Variants in DHX35 observed in about 807,000 individuals in gnomAD.
DHX35 encodes the protein DEAH-box helicase 35, also known as probable ATP-dependent RNA helicase DHX35.
A neutral mutation model predicts 99.6 loss-of-function variants in DHX35; 84 were observed. The ratio of observed to expected loss-of-function variants is 0.84; its 90% CI spans 0.71 to 1.01. The LOEUF is 1.01. Ranked by LOEUF, DHX35 falls within the 50% of genes least tolerant of loss-of-function variation. The probability of loss-of-function intolerance (pLI) is 0.00; values close to 1 mark genes in which losing one functional copy is unlikely to be tolerated. For missense variants in DHX35, 852 were observed against 888.5 expected, an observed-to-expected ratio of 0.96 and a Z score of 0.52; for synonymous variants, 331 against 316.2, an observed-to-expected ratio of 1.05 and a Z score of -0.50.
At chr20:38,978,137 G>A in intron 3 of DHX35, 1 of 790,136 alleles carries the variant, frequency 1.3e-6, no homozygotes, top group South Asian at 1.3e-5. Context: ...ACCACCGGTG[G>A]TATTATTTCA....
rs1408913457 is a variant in DHX35 at position 39,006,211 on chromosome 20, CTG to C, written c.1080_1081del (p.Cys360TrpfsTer15). On this transcript the variant is annotated frameshift_variant, in exon 12 of 22. Coordinates refer to ENST00000252011, the MANE Select transcript of DHX35 (RefSeq NM_021931.4). LOFTEE classifies it high-confidence loss of function. ...TISGIVYVID[C>X]GFVKLRAYNP... is the part of the protein sequence containing the mutation. ...TCAGCGGCATTGTGTATGTGATCGA[CTG>C]TGGCTTTGTGAAACTCCGAGCCTAC... The C allele has an allele frequency of 6.2e-7, 1 of 1,614,060 alleles. No homozygotes were observed. Among genetic ancestry groups the C allele is most frequent in the African/African-American group, 1.3e-5 (1 of 74,920 alleles).
intron 8 of DHX35, among the ~76,000 whole-genome samples, chr20:39,001,275 T>C (rs1183249386): frequency 6.6e-6 from 1 of 152,206 alleles, no homozygotes; most frequent in African/African-American, 2.4e-5. Flanking sequence ...GAAACACACC[T>C]ACTGTTCACA....
At chr20:39,017,263 C>G (rs1262789379) in intron 14 of DHX35, among the ~76,000 whole-genome samples, 1 of 152,024 alleles carries the variant, frequency 6.6e-6, no homozygotes, top group African/African-American at 2.4e-5. Flanking sequence ...TGTGAATAGC[C>G]AATTACTGAT....
intron 7 of DHX35, 102 bp from the exon 8 acceptor site, chr20:38,994,717 GAA>G: frequency 2.5e-6 from 2 of 792,382 alleles, no homozygotes; most frequent in Non-Finnish European, 1.8e-6. Context: ...AGGCAAAAAA[GAA>G]AAAAAAAGAC....
At chr20:39,034,712 A>T (rs923222843) in intron 21 of DHX35, among the ~76,000 whole-genome samples, 1 of 148,334 alleles carries the variant, frequency 6.7e-6, no homozygotes, top group Non-Finnish European at 1.5e-5. Flanking sequence ...CTTAGCCCCC[A>T]TGTAGCTGGG....
At chr20:38,977,698 A>C in intron 3 of DHX35, 1 of 374,218 alleles carries the variant, frequency 2.7e-6, no homozygotes. Context: ...AAGAACAGCC[A>C]GATATCAACT....
chr20:39,017,220 C>T (rs2145923953), intron 14 of DHX35, among the ~76,000 whole-genome samples: 1 of 152,176 alleles, frequency 6.6e-6, no homozygotes, highest in Non-Finnish European at 1.5e-5. Context: ...AGGTAGGGGT[C>T]CATCTTCATT....
chr20:38,999,295 T>C (rs938555743), intron 8 of DHX35, among the ~76,000 whole-genome samples: 3 of 152,046 alleles, frequency 2.0e-5, no homozygotes, highest in Admixed American at 6.5e-5. Flanking sequence ...GGAGCCCTGC[T>C]GACTTCCCTC....
intron 17 of DHX35, 88 bp downstream of exon 17, chr20:39,023,855 T>C: frequency 9.0e-7 from 1 of 1,114,798 alleles, no homozygotes; most frequent in South Asian, 1.3e-5. Context: ...GTTCAGTTCG[T>C]AAAGGAATGT....
At chr20:39,004,317 G>A (rs890222976) in intron 11 of DHX35, among the ~76,000 whole-genome samples, 11 of 152,112 alleles carry the variant, frequency 7.2e-5, no homozygotes, top group African/African-American at 2.4e-4. Context: ...CGCCCACCTT[G>A]GCCTCCCAAA....
At chr20:39,019,018 T>C in intron 15 of DHX35, 119 bp downstream of exon 15, 1 of 833,618 alleles carries the variant, frequency 1.2e-6, no homozygotes. Context: ...TATATATATC[T>C]GTAACATAAC....
intron 8 of DHX35, among the ~76,000 whole-genome samples, chr20:38,995,306 C>T (rs1255890406): frequency 7.2e-5 from 11 of 152,176 alleles, no homozygotes; most frequent in Non-Finnish European, 1.5e-5. Flanking sequence ...GGGTGGATCA[C>T]TTGAGGTCAG....
intron 7 of DHX35, among the ~76,000 whole-genome samples, chr20:38,993,596 C>T (rs2086375201): frequency 6.6e-6 from 1 of 152,148 alleles, no homozygotes; most frequent in South Asian, 2.1e-4. Context: ...AACTCCCAAC[C>T]TCAGGTGATC....
intron 6 of DHX35, among the ~76,000 whole-genome samples, chr20:38,991,876 C>T (rs2086343462): frequency 6.6e-6 from 1 of 152,172 alleles, no homozygotes; most frequent in South Asian, 2.1e-4. Context: ...CTTTGTCTAT[C>T]TGTCTGTCAC....
At chr20:39,000,816 T>TTTGAATC (rs2086506858) in intron 8 of DHX35, among the ~76,000 whole-genome samples, 1 of 151,982 alleles carries the variant, frequency 6.6e-6, no homozygotes, top group Non-Finnish European at 1.5e-5. Flanking sequence ...GCACCCAGAT[T>TTTGAATC]CAAATAATGG....
Position 38,990,601 on chromosome 20 carries a change from TA to T in DHX35, c.451-846del, listed in dbSNP as rs961096883. Among the ~76,000 whole-genome samples, 15 of 152,268 alleles carry T rather than the reference TA, an allele frequency of 9.9e-5. No individual in the cohort carries two copies. In the South Asian group the frequency reaches 1.0e-3, roughly 11 times the overall value. ...ATAAAAATAAAAAATAATGTAAATTTAAAAAAATACAGTATAACAACTATTT... is the reference window on the plus strand; with the variant it reads ...ATAAAAATAAAAAATAATGTAAATTTAAAAAATACAGTATAACAACTATTT... On this transcript the variant is annotated intron_variant, in intron 5 of 21. Coordinates refer to ENST00000252011, the MANE Select transcript of DHX35 (RefSeq NM_021931.4).
At chr20:39,003,111 A>G (rs2086549343) in intron 10 of DHX35, among the ~76,000 whole-genome samples, 2 of 152,194 alleles carry the variant, frequency 1.3e-5, no homozygotes, top group Non-Finnish European at 2.9e-5. Context: ...GCTGATTCCA[A>G]AATAAACTAG....
rs891125603 is a variant in DHX35 at position 39,010,326 on chromosome 20, G to A, written c.1269G>A (p.Gln423=). The change falls in exon 13 of 22, where the codon CAG becomes CAA. Residue 423 remains glutamine (Q), a synonymous_variant. Transcript: ENST00000252011. ...CTCAGTCTACGGTTCCTGAGATGCA[G>A]CGTAGTAATTTGGCACCTGTCATCC... ...KLPQSTVPEM[Q]RSNLAPVILQ... The A allele has an allele frequency of 1.2e-6, 2 of 1,614,128 alleles. No individual in the cohort carries two copies. Among genetic ancestry groups the A allele is most frequent in the Admixed American group, 1.7e-5 (1 of 60,010 alleles).
At chr20:38,989,435 T>G (rs537904938) in intron 5 of DHX35, among the ~76,000 whole-genome samples, 1 of 151,590 alleles carries the variant, frequency 6.6e-6, no homozygotes, top group African/African-American at 2.4e-5. Context: ...TTTCAAAGAG[T>G]CCTGCAATCT....
Sources: gnomAD v4.1 joint callset for allele counts (sites outside exome capture counted in the v4.1 genomes callset) on GRCh38, gnomAD v4.1.1 for gene constraint, MANE v1.5 for transcripts, NCBI Gene and HGNC (gene_info 2026-07-23, HGNC 2026-07-21) for gene names.